STMN4: variants seen among roughly 807,000 people sequenced by gnomAD.
STMN4 encodes stathmin 4.
Under a neutral mutation model 29.1 loss-of-function variants are expected in STMN4, and 12 were observed. The observed-to-expected ratio is 0.41, with a 90% CI of 0.26 to 0.67. STMN4 has a LOEUF of 0.67. STMN4 is among the 30% of genes least tolerant of loss of function. STMN4 has a pLI of 0.30. For missense variants in STMN4, 181 were observed against 262.8 expected (o/e 0.69, Z 2.15); for synonymous variants, 114 against 105.3 (o/e 1.08, Z -0.51).
At chr8:27,249,454 A>T (rs1801723025) in intron 1 of STMN4, among the ~76,000 whole-genome samples, 1 of 152,214 alleles carries the variant, frequency 6.6e-6, no homozygotes, top group African/African-American at 2.4e-5. Flanking sequence ...CATCAGTCCC[A>T]CACGATAAAC....
chr8:27,240,270 G>C, intron 5 of STMN4, 108 bp from the exon 6 acceptor site: 1 of 1,238,044 alleles, frequency 8.1e-7, no homozygotes, highest in Non-Finnish European at 1.1e-6. Flanking sequence ...ACCTCCCTGG[G>C]CCTGGTCCCC....
Position 27,236,804 on chromosome 8 carries a change from G to T in STMN4, c.*42C>A. The T allele has an allele frequency of 6.4e-7, 1 of 1,552,964 alleles. No individual in the cohort carries two copies. The highest frequency in any genetic ancestry group is 8.7e-7 in the Non-Finnish European group (1 of 1,150,948). Reference sequence around the variant, plus strand: ...GGCTGCCTGGAACGTGGAGCTGCTGGAGCTGTCCGGCTGACCTGGAAAGTT... The same window carrying T: ...GGCTGCCTGGAACGTGGAGCTGCTGTAGCTGTCCGGCTGACCTGGAAAGTT... On this transcript the variant is annotated 3_prime_UTR_variant, in exon 7 of 7. Transcript: ENST00000350889.
At chr8:27,243,066 C>A (rs574222237) in intron 2 of STMN4, among the ~76,000 whole-genome samples, 1 of 152,170 alleles carries the variant, frequency 6.6e-6, no homozygotes, top group Non-Finnish European at 1.5e-5. Context: ...AAAGCTGGAG[C>A]ATATCCCCGC....
intron 2 of STMN4, 104 bp downstream of exon 2, chr8:27,243,606 CG>C: frequency 8.0e-7 from 1 of 1,245,344 alleles, no homozygotes; most frequent in South Asian, 1.2e-5. Flanking sequence ...CCACACACCC[CG>C]TGTGCTTCCT....
intron 1 of STMN4, among the ~76,000 whole-genome samples, chr8:27,257,206 G>T (rs1586026474): frequency 6.6e-6 from 1 of 152,172 alleles, no homozygotes; most frequent in Middle Eastern, 3.4e-3. Flanking sequence ...TCATCTGAAG[G>T]ATGATCTCAT....
chr8:27,247,254 C>CCAA (rs777675322), intron 1 of STMN4, among the ~76,000 whole-genome samples: 5 of 107,806 alleles, frequency 4.6e-5, no homozygotes, highest in African/African-American at 1.8e-4. Flanking sequence ...GACTTTGTCT[C>CCAA]AAAAAAAAAA....
chr8:27,256,101 C>T (rs1338455341), intron 1 of STMN4, among the ~76,000 whole-genome samples: 1 of 152,064 alleles, frequency 6.6e-6, no homozygotes, highest in African/African-American at 2.4e-5. Flanking sequence ...GCGAAATAAG[C>T]CAATCATAAA....
At position 27,236,748 on chromosome 8, in the gene STMN4, C is replaced by T. The variant is rs1801319958; in HGVS notation, c.*98G>A. On this transcript the variant is annotated 3_prime_UTR_variant, in exon 7 of 7. Coordinates refer to ENST00000350889, the MANE Select transcript of STMN4 (RefSeq NM_030795.4). ...CCTTGGCCACCCCCCTCCCCCCAAA[C>T]CCCAGTGCTGGGAGCGCAGCCGGCG... The T allele has an allele frequency of 9.3e-7, 1 of 1,072,462 alleles. No individual in the cohort carries two copies. Among genetic ancestry groups the T allele is most frequent in the Non-Finnish European group, 1.3e-6 (1 of 773,856 alleles). 66.4% of individuals were successfully genotyped at this position (1,072,462 alleles called of 1,614,324 possible). A position where few individuals can be genotyped will look rare whatever the true frequency, so the allele number is the denominator to read the frequency against.
chr8:27,253,171 C>T (rs1303360862), intron 1 of STMN4, among the ~76,000 whole-genome samples: 1 of 152,192 alleles, frequency 6.6e-6, no homozygotes, highest in Non-Finnish European at 1.5e-5. Flanking sequence ...TGCCTGAGGT[C>T]TCAGAGAGAA....
chr8:27,258,151 C>T (rs1415364917), intron 1 of STMN4, among the ~76,000 whole-genome samples, 200 bp downstream of exon 1: 1 of 152,318 alleles, frequency 6.6e-6, no homozygotes, highest in South Asian at 2.1e-4. Context: ...CACCCGGAGC[C>T]CACCCTCACC....
chr8:27,251,835 G>A (rs943510627), intron 1 of STMN4, among the ~76,000 whole-genome samples: 59 of 147,232 alleles, frequency 4.0e-4, no homozygotes, highest in African/African-American at 1.3e-3. Context: ...TATACTTTAA[G>A]TTTTAGGGTA....
chr8:27,249,994 G>A (rs888794371), intron 1 of STMN4, among the ~76,000 whole-genome samples: 14 of 152,118 alleles, frequency 9.2e-5, no homozygotes, highest in African/African-American at 9.7e-5. Context: ...CAAGGGTTTC[G>A]GAAGACAAAT....
intron 1 of STMN4, among the ~76,000 whole-genome samples, chr8:27,244,710 G>A (rs993018881): frequency 6.6e-6 from 1 of 152,108 alleles, no homozygotes; most frequent in Non-Finnish European, 1.5e-5. Context: ...GTGGGATCAG[G>A]TCAAGCTAGT....
In STMN4 at chr8:27,243,730, G is replaced by T; in HGVS notation, c.-7C>A. On this transcript the variant is annotated 5_prime_UTR_variant, in exon 2 of 7. Transcript: ENST00000350889. The stretch of plus-strand genomic sequence containing the variant: ...ACCTACCAGCAAGGGTCATGTTTCT[G>T]GGATCTGGTGGCTGAATCTAGCTGA... 6.2e-7 allele frequency: 1 copy of T among 1,614,190 alleles called. No individual in the cohort carries two copies. The highest frequency in any genetic ancestry group is 1.1e-5 in the South Asian group (1 of 91,086).
At chr8:27,257,593 G>A (rs73681507) in intron 1 of STMN4, among the ~76,000 whole-genome samples, 3,545 of 151,970 alleles carry the variant, frequency 0.023, 150 homozygotes, top group African/African-American at 0.077. Flanking sequence ...AGACAGCACC[G>A]CCACGTGGGG....
chr8:27,236,336 G>A lies in STMN4; in HGVS notation c.*510C>T, dbSNP rs1226721025. On this transcript the variant is annotated 3_prime_UTR_variant, in exon 7 of 7. Transcript: ENST00000350889. ...TCATTGGTCATGATGATCAAAAAATGATGGTTCACACACACACACAGACCT... is the reference window on the plus strand; with the variant it reads ...TCATTGGTCATGATGATCAAAAAATAATGGTTCACACACACACACAGACCT... 1.3e-5 allele frequency: 2 copies of A among 152,418 alleles called. No individual in the cohort carries two copies. The highest frequency in any genetic ancestry group is 1.5e-5 in the Non-Finnish European group (1 of 68,148). The allele number at this position is 152,418 out of a possible 1,614,324, so 9.4% of individuals were successfully genotyped here. A position where few individuals can be genotyped will look rare whatever the true frequency, so the allele number is the denominator to read the frequency against.
At chr8:27,241,592 G>A in intron 4 of STMN4, 85 bp downstream of exon 4, 1 of 1,495,510 alleles carries the variant, frequency 6.7e-7, no homozygotes. Context: ...GTGACAGGCA[G>A]GGGTGCGTTT....
chr8:27,249,919 T>C (rs529985453), intron 1 of STMN4, among the ~76,000 whole-genome samples: 32 of 152,340 alleles, frequency 2.1e-4, no homozygotes, highest in Non-Finnish European at 4.6e-4. Context: ...AAATTCCATC[T>C]GGACTATTTT....
At chr8:27,255,058 ACT>A (rs1801902879) in intron 1 of STMN4, among the ~76,000 whole-genome samples, 1 of 151,042 alleles carries the variant, frequency 6.6e-6, no homozygotes, top group African/African-American at 2.5e-5. Context: ...GAGATGTAAA[ACT>A]CTGAAAAAAA....
Sources: allele counts gnomAD v4.1 joint callset (sites outside exome capture counted in the v4.1 genomes callset), GRCh38; gene constraint gnomAD v4.1.1; transcripts MANE v1.5; gene names NCBI Gene and HGNC (gene_info 2026-07-23, HGNC 2026-07-21).